The following DLG2 variants were observed in gnomAD, a reference collection of about 807,000 sequenced individuals.
DLG2 encodes discs large MAGUK scaffold protein 2, also known as disks large homolog 2.
DLG2 carries 45 observed loss-of-function variants against 132.5 expected under a neutral mutation model. The observed-to-expected ratio is 0.34, with a 90% confidence interval of 0.27 to 0.44. The LOEUF is 0.44. Ranked by LOEUF, DLG2 falls within the 20% of genes least tolerant of loss-of-function variation. The pLI, the probability that DLG2 is intolerant of heterozygous loss-of-function variation, is 1.00. For synonymous variants in DLG2, 424 were observed against 419.6 expected (o/e 1.01, Z -0.13); for missense variants, 1,045 against 1,196.9 (o/e 0.87, Z 1.87).
chr11:84,452,901 T>G (rs1202195474), intron 7 of DLG2, among the ~76,000 whole-genome samples: 1 of 151,288 alleles, frequency 6.6e-6, no homozygotes, highest in Non-Finnish European at 1.5e-5. Context: ...AATAAAAGTT[T>G]AAAAAAGAAT....
Position 83,906,053 on chromosome 11 carries a change from GTCTCTCTCTCTCTC to G in DLG2, c.1496+24261_1496+24274del, listed in dbSNP as rs57799505. On this transcript the variant is annotated intron_variant, in intron 15 of 27. Coordinates refer to ENST00000376104, the MANE Select transcript of DLG2 (RefSeq NM_001142699.3). ...TGCTATATCAGATGTCTGTCTGTCT[GTCTCTCTCTCTCTC>G]TCTCTCTCTCTCTCTATATATATAT... 4.7e-5 allele frequency among the ~76,000 whole-genome samples: 6 copies of G among 128,804 alleles called. 1 individual carries two copies. Among genetic ancestry groups the G allele is most frequent in the South Asian group, 5.2e-4 (2 of 3,854 alleles). 84.5% of individuals were successfully genotyped at this position (128,804 alleles called of 152,430 possible).
chr11:84,284,174 C>T (rs765635463), intron 7 of DLG2, among the ~76,000 whole-genome samples: 3 of 152,124 alleles, frequency 2.0e-5, no homozygotes, highest in Admixed American at 6.5e-5. Context: ...GCAGAGGTTG[C>T]GGTGAGCCGA....
At chr11:83,939,206 T>C (rs1201621149) in intron 14 of DLG2, among the ~76,000 whole-genome samples, 1 of 152,202 alleles carries the variant, frequency 6.6e-6, no homozygotes, top group Non-Finnish European at 1.5e-5. Flanking sequence ...GCCTCTGGAT[T>C]GGCATCCTTT....
At chr11:84,222,491 T>TA (rs2096929869) in intron 8 of DLG2, among the ~76,000 whole-genome samples, 1 of 152,248 alleles carries the variant, frequency 6.6e-6, no homozygotes, top group Non-Finnish European at 1.5e-5. Flanking sequence ...GAAAGGGCTA[T>TA]AAAATGTCGA....
chr11:83,937,997 T>C (rs889492909), intron 14 of DLG2, among the ~76,000 whole-genome samples: 5 of 152,130 alleles, frequency 3.3e-5, no homozygotes, highest in Non-Finnish European at 7.4e-5. Flanking sequence ...ATAAAAAATA[T>C]GTACAAAAGT....
Position 83,974,543 on chromosome 11 carries a change from C to T in DLG2, c.1056+5963G>A, listed in dbSNP as rs550510744. ...CAAAATCAAATCACTTACTTGATGG[C>T]AGGACTTCACAGAATTTTTAATATG... On this transcript the variant is annotated intron_variant, in intron 12 of 27. Coordinates refer to ENST00000376104, the MANE Select transcript of DLG2 (RefSeq NM_001142699.3). Among the ~76,000 whole-genome samples, 18 of 152,110 alleles carry T rather than the reference C, an allele frequency of 1.2e-4. 1 individual carries two copies. The South Asian group carries it at 3.7e-3, about 32-fold the overall frequency.
chr11:85,393,583 C>G, intron 3 of DLG2, among the ~76,000 whole-genome samples: 1 of 150,464 alleles, frequency 6.6e-6, no homozygotes, highest in Non-Finnish European at 1.5e-5. Context: ...CAACAATCAA[C>G]AAGTGGATAA....
chr11:85,040,023 G>A lies in DLG2; in HGVS notation c.357+71638C>T, dbSNP rs191280769. Among the ~76,000 whole-genome samples the A allele has an allele frequency of 2.5e-3, 375 of 151,858 alleles. 1 individual carries two copies. Among genetic ancestry groups the A allele is most frequent in the Non-Finnish European group, 4.5e-3 (307 of 67,800 alleles). On this transcript the variant is annotated intron_variant, in intron 6 of 27. Transcript: ENST00000376104. ...ACAAAGGGGAGAAGCAGGTGAATCC[G>A]GATTCCATAGCAAAATCGTGCTATA...
rs529678390 is a variant in DLG2 at position 84,248,760 on chromosome 11, G to A, written c.573+2478C>T. Among the ~76,000 whole-genome samples, 340 of 152,232 alleles carry A rather than the reference G, an allele frequency of 2.2e-3. 1 individual carries two copies. The highest frequency in any genetic ancestry group is 7.7e-3 in the African/African-American group (320 of 41,540). ...TGCACTCCTGTAGTCCCAGCTACTC[G>A]GGAGGCTGAGGCAAGAGAGTCACTT... On this transcript the variant is annotated intron_variant, in intron 8 of 27. Transcript: ENST00000376104.
intron 18 of DLG2, among the ~76,000 whole-genome samples, chr11:83,709,253 A>ATG (rs1434631761): frequency 1.4e-5 from 2 of 138,444 alleles, no homozygotes. Context: ...GTGTGTGTAT[A>ATG]TGTGTGTATA....
At chr11:83,918,802 C>T (rs1306968119) in intron 15 of DLG2, among the ~76,000 whole-genome samples, 1 of 151,720 alleles carries the variant, frequency 6.6e-6, no homozygotes, top group Admixed American at 6.6e-5. Context: ...TGAGACTCCC[C>T]TCTGTGAAGT....
chr11:84,972,032 A>C (rs1425731249), intron 6 of DLG2, among the ~76,000 whole-genome samples: 1 of 152,188 alleles, frequency 6.6e-6, no homozygotes, highest in Non-Finnish European at 1.5e-5. Context: ...TTTCTTGCTC[A>C]GTGGTACTTA....
chr11:83,889,510 G>C (rs941869924), intron 15 of DLG2, among the ~76,000 whole-genome samples: 4 of 152,200 alleles, frequency 2.6e-5, no homozygotes, highest in South Asian at 2.1e-4. Context: ...CTGTTGGTGG[G>C]ACTGTAAACT....
chr11:84,713,614 T>C (rs2060692486), intron 6 of DLG2, among the ~76,000 whole-genome samples: 1 of 152,148 alleles, frequency 6.6e-6, no homozygotes, highest in South Asian at 2.1e-4. Flanking sequence ...GGAGAAAAAC[T>C]AGACTACCTC....
chr11:83,576,672 T>C (rs899924609), intron 19 of DLG2, among the ~76,000 whole-genome samples: 11 of 152,182 alleles, frequency 7.2e-5, no homozygotes, highest in African/African-American at 2.7e-4. Context: ...TAAAATTCTA[T>C]ATCCAGATAA....
chr11:83,819,437 T>A (rs2050053750), intron 17 of DLG2, among the ~76,000 whole-genome samples: 4 of 113,304 alleles, frequency 3.5e-5, no homozygotes, highest in Middle Eastern at 0.011. Flanking sequence ...GCCACTATAC[T>A]CCAGCCTGGG....
chr11:83,678,937 G>A (rs1420428732), intron 18 of DLG2, among the ~76,000 whole-genome samples: 5 of 152,116 alleles, frequency 3.3e-5, no homozygotes, highest in Non-Finnish European at 5.9e-5. Flanking sequence ...TGAGAGCAAG[G>A]AAATCCCCAA....
intron 7 of DLG2, among the ~76,000 whole-genome samples, chr11:84,489,987 A>T (rs186369590): frequency 6.6e-6 from 1 of 152,138 alleles, no homozygotes; most frequent in African/African-American, 2.4e-5. Context: ...AAAAATAGAA[A>T]AAAAGAAGAT....
chr11:84,598,982 T>C (rs1010618245), intron 6 of DLG2, among the ~76,000 whole-genome samples: 1 of 151,990 alleles, frequency 6.6e-6, no homozygotes, highest in Admixed American at 6.6e-5. Context: ...CAGTGTCACA[T>C]GCCTGTAATT....
Sources: gnomAD v4.1 joint callset for allele counts (sites outside exome capture counted in the v4.1 genomes callset) on GRCh38, gnomAD v4.1.1 for gene constraint, MANE v1.5 for transcripts, NCBI Gene and HGNC (gene_info 2026-07-23, HGNC 2026-07-21) for gene names.